Variants in CSMD1 observed in about 807,000 individuals in gnomAD.
The protein encoded by CSMD1 is CUB and sushi domain-containing protein 1.
Under a neutral mutation model 417.5 loss-of-function variants are expected in CSMD1, and 213 were observed. The ratio of observed to expected loss-of-function variants is 0.51; its 90% CI spans 0.46 to 0.57. The LOEUF is 0.57. CSMD1 is among the 20% of genes least tolerant of loss of function. CSMD1 has a pLI of 0.00. For missense variants in CSMD1, 6,923 were observed against 4,529.7 expected (o/e 1.53, Z -15.17); for synonymous variants, 2,862 against 1,736.8 (o/e 1.65, Z -16.11).
intron 5 of CSMD1, among the ~76,000 whole-genome samples, chr8:3,897,861 T>G (rs113304425): frequency 6.6e-6 from 1 of 152,208 alleles, no homozygotes; most frequent in African/African-American, 2.4e-5. Flanking sequence ...GTGCTGCTTC[T>G]TATAGCCTAT....
chr8:4,939,421 G>A (rs765957352), intron 1 of CSMD1, among the ~76,000 whole-genome samples: 6 of 152,118 alleles, frequency 3.9e-5, no homozygotes, highest in South Asian at 2.1e-4. Flanking sequence ...CAGGTGAATC[G>A]ATAAAGAAAC....
intron 40 of CSMD1, among the ~76,000 whole-genome samples, chr8:3,144,987 C>T (rs1462779676): frequency 6.6e-6 from 1 of 151,990 alleles, no homozygotes; most frequent in Non-Finnish European, 1.5e-5. Flanking sequence ...TGGCGGTATG[C>T]CCACAAATCT....
chr8:3,667,229 G>C (rs1305145970), intron 7 of CSMD1, among the ~76,000 whole-genome samples: 3 of 152,038 alleles, frequency 2.0e-5, no homozygotes, highest in African/African-American at 7.2e-5. Flanking sequence ...TATAATCATA[G>C]TCCCTACATT....
At chr8:4,278,659 T>C (rs911331337) in intron 3 of CSMD1, among the ~76,000 whole-genome samples, 6 of 152,208 alleles carry the variant, frequency 3.9e-5, no homozygotes, top group Admixed American at 1.3e-4. Flanking sequence ...GTGTAGCTTT[T>C]TATTAACATA....
intron 54 of CSMD1, among the ~76,000 whole-genome samples, chr8:2,990,674 A>G (rs1288239191): frequency 1.3e-5 from 2 of 152,198 alleles, no homozygotes; most frequent in Non-Finnish European, 2.9e-5. Flanking sequence ...ACACAATAGA[A>G]GCCTGCTTTC....
intron 7 of CSMD1, among the ~76,000 whole-genome samples, chr8:3,687,120 T>G (rs753463304): frequency 3.3e-5 from 5 of 152,232 alleles, no homozygotes; most frequent in Non-Finnish European, 7.3e-5. Flanking sequence ...CTATACTAAT[T>G]TAAAACCAGA....
intron 7 of CSMD1, among the ~76,000 whole-genome samples, chr8:3,689,097 G>A (rs1189766796): frequency 6.6e-6 from 1 of 152,162 alleles, no homozygotes; most frequent in Non-Finnish European, 1.5e-5. Context: ...ATCATAAAAT[G>A]AGAAAAATAA....
intron 7 of CSMD1, among the ~76,000 whole-genome samples, chr8:3,640,813 G>C (rs750504074): frequency 2.8e-4 from 42 of 152,182 alleles, no homozygotes; most frequent in Middle Eastern, 6.8e-3. Flanking sequence ...GGGATGGAAA[G>C]ACCAGAGCAG....
At chr8:4,045,748 C>G (rs777423327) in intron 3 of CSMD1, among the ~76,000 whole-genome samples, 6 of 152,180 alleles carry the variant, frequency 3.9e-5, no homozygotes, top group Non-Finnish European at 8.8e-5. Context: ...CACCAGTGAA[C>G]TGTGAAACAC....
chr8:3,796,817 A>G (rs1254440996), intron 5 of CSMD1, among the ~76,000 whole-genome samples: 1 of 151,486 alleles, frequency 6.6e-6, no homozygotes, highest in Non-Finnish European at 1.5e-5. Context: ...TGGTATCAAC[A>G]TAAGAGATAA....
intron 12 of CSMD1, among the ~76,000 whole-genome samples, chr8:3,428,783 G>C (rs1228183487): frequency 6.6e-6 from 1 of 152,144 alleles, no homozygotes. Context: ...ATTCACAATA[G>C]CCAAGATACG....
At chr8:4,126,698 C>T (rs1164388555) in intron 3 of CSMD1, among the ~76,000 whole-genome samples, 1 of 152,180 alleles carries the variant, frequency 6.6e-6, no homozygotes, top group African/African-American at 2.4e-5. Flanking sequence ...TGGTTGGTTA[C>T]TTCACTCTCC....
intron 65 of CSMD1, among the ~76,000 whole-genome samples, chr8:2,953,089 C>A (rs1294139812): frequency 6.6e-6 from 1 of 151,886 alleles, no homozygotes. Context: ...ATCTTAAACA[C>A]AAAATAAGCA....
chr8:3,931,379 G>C (rs914781070), intron 5 of CSMD1, among the ~76,000 whole-genome samples: 2 of 150,488 alleles, frequency 1.3e-5, no homozygotes, highest in Admixed American at 6.6e-5. Flanking sequence ...GCTTCTATTT[G>C]AATGTCACAT....
At chr8:4,504,908 G>C (rs1270380856) in intron 2 of CSMD1, among the ~76,000 whole-genome samples, 1 of 152,164 alleles carries the variant, frequency 6.6e-6, no homozygotes, top group Non-Finnish European at 1.5e-5. Flanking sequence ...TTGGTTCCAA[G>C]TCTTTGTTAT....
intron 38 of CSMD1, among the ~76,000 whole-genome samples, chr8:3,161,657 T>C (rs1050316917): frequency 2.6e-4 from 38 of 148,598 alleles, no homozygotes; most frequent in African/African-American, 7.7e-4. Flanking sequence ...CCTCTTTATA[T>C]AGAAGATAGT....
chr8:4,928,173 A>G (rs1806998736), intron 1 of CSMD1, among the ~76,000 whole-genome samples: 1 of 151,972 alleles, frequency 6.6e-6, no homozygotes, highest in Non-Finnish European at 1.5e-5. Context: ...TCCCGTTGCC[A>G]TTGGCACTGC....
chr8:4,405,218 C>G (rs1343567111), intron 3 of CSMD1, among the ~76,000 whole-genome samples: 3 of 152,122 alleles, frequency 2.0e-5, no homozygotes, highest in African/African-American at 7.2e-5. Flanking sequence ...GAGACTAACC[C>G]GTGGTTTTGC....
intron 12 of CSMD1, among the ~76,000 whole-genome samples, chr8:3,466,491 G>T (rs1422244018): frequency 6.6e-6 from 1 of 151,598 alleles, no homozygotes; most frequent in African/African-American, 2.4e-5. Flanking sequence ...CTCACTGCAA[G>T]CTCCACTACC....
Sources: gnomAD v4.1 joint callset for allele counts (sites outside exome capture counted in the v4.1 genomes callset) on GRCh38, gnomAD v4.1.1 for gene constraint, MANE v1.5 for transcripts, NCBI Gene and HGNC (gene_info 2026-07-23, HGNC 2026-07-21) for gene names.